The following SSBP2 variants were observed in gnomAD, a reference collection of about 807,000 sequenced individuals.
The protein encoded by SSBP2 is single-stranded DNA-binding protein 2.
SSBP2 carries 17 observed loss-of-function variants against 61.8 expected under a neutral mutation model. The observed-to-expected ratio is 0.28, with a 90% confidence interval of 0.19 to 0.41. The LOEUF (loss-of-function observed/expected upper bound fraction) is 0.41. Ranked by LOEUF, SSBP2 falls within the 10% of genes least tolerant of loss-of-function variation. The pLI is 1.00. For synonymous variants in SSBP2, 139 were observed against 141.3 expected, an observed-to-expected ratio of 0.98 and a Z score of 0.12; for missense variants, 310 against 458.7, an observed-to-expected ratio of 0.68 and a Z score of 2.96.
At chr5:81,602,918 C>T (rs1406826891) in intron 4 of SSBP2, among the ~76,000 whole-genome samples, 1 of 152,140 alleles carries the variant, frequency 6.6e-6, no homozygotes. Context: ...ACTGTGATTA[C>T]TGTCTTTCAA....
intron 1 of SSBP2, among the ~76,000 whole-genome samples, chr5:81,712,360 A>C (rs1754850317): frequency 2.0e-5 from 1 of 49,536 alleles, no homozygotes; most frequent in African/African-American, 9.0e-5. Context: ...AATAAAGATT[A>C]CAAGGCCGAG....
At chr5:81,560,809 G>A (rs951612013) in intron 4 of SSBP2, among the ~76,000 whole-genome samples, 1 of 151,970 alleles carries the variant, frequency 6.6e-6, no homozygotes, top group African/African-American at 2.4e-5. Context: ...ATATATTTAA[G>A]GTATAGATTT....
At chr5:81,722,623 A>G (rs765331406) in intron 1 of SSBP2, among the ~76,000 whole-genome samples, 10 of 152,014 alleles carry the variant, frequency 6.6e-5, no homozygotes, top group Non-Finnish European at 1.2e-4. Flanking sequence ...CCCTAGTTAC[A>G]TGACCTTGAG....
intron 14 of SSBP2, among the ~76,000 whole-genome samples, chr5:81,439,928 C>G (rs1762918031): frequency 6.6e-6 from 1 of 151,708 alleles, no homozygotes; most frequent in Admixed American, 6.6e-5. Context: ...GCCTCGGCCT[C>G]CCAAAGTGCT....
At chr5:81,568,227 C>A (rs1183783765) in intron 4 of SSBP2, among the ~76,000 whole-genome samples, 1 of 152,084 alleles carries the variant, frequency 6.6e-6, no homozygotes, top group African/African-American at 2.4e-5. Context: ...GTGGAAGGGA[C>A]CTGGTGGGAG....
intron 4 of SSBP2, among the ~76,000 whole-genome samples, chr5:81,601,895 A>ATG (rs1469300998): frequency 6.6e-6 from 1 of 152,160 alleles, no homozygotes; most frequent in Non-Finnish European, 1.5e-5. Context: ...CACATATTCA[A>ATG]AACACCTAGT....
chr5:81,553,189 A>G (rs1021472285), intron 4 of SSBP2, among the ~76,000 whole-genome samples: 2 of 152,216 alleles, frequency 1.3e-5, no homozygotes, highest in African/African-American at 4.8e-5. Context: ...TGTAAGGTTA[A>G]GTAGAGCCAA....
intron 8 of SSBP2, among the ~76,000 whole-genome samples, chr5:81,472,237 A>G (rs554632691): frequency 6.6e-6 from 1 of 152,268 alleles, no homozygotes; most frequent in African/African-American, 2.4e-5. Flanking sequence ...TGACATTATA[A>G]AATTAATTTC....
chr5:81,672,089 A>AT, intron 1 of SSBP2, among the ~76,000 whole-genome samples: 1 of 152,164 alleles, frequency 6.6e-6, no homozygotes, highest in South Asian at 2.1e-4. Context: ...CCATTATATT[A>AT]TTTTTACTAC....
At chr5:81,656,917 C>T (rs1001586255) in intron 1 of SSBP2, among the ~76,000 whole-genome samples, 12 of 151,846 alleles carry the variant, frequency 7.9e-5, no homozygotes, top group Middle Eastern at 3.4e-3. Context: ...TTTTTAAGTG[C>T]AGAACAGTTT....
chr5:81,683,385 G>T (rs1752542715), intron 1 of SSBP2, among the ~76,000 whole-genome samples: 1 of 152,114 alleles, frequency 6.6e-6, no homozygotes. Flanking sequence ...ATGGAGCAAA[G>T]ATAGTCTTTG....
intron 4 of SSBP2, among the ~76,000 whole-genome samples, chr5:81,582,249 T>A (rs756016683): frequency 5.8e-4 from 88 of 152,170 alleles, no homozygotes; most frequent in Non-Finnish European, 6.9e-4. Context: ...AATAAAGTAT[T>A]TAACAAGACT....
chr5:81,515,011 C>T (rs1458640364), intron 4 of SSBP2, among the ~76,000 whole-genome samples: 4 of 151,842 alleles, frequency 2.6e-5, no homozygotes, highest in East Asian at 3.9e-4. Flanking sequence ...AAAAACCATG[C>T]AATTTCAATT....
At chr5:81,648,674 C>T (rs560745958) in intron 2 of SSBP2, among the ~76,000 whole-genome samples, 3 of 151,960 alleles carry the variant, frequency 2.0e-5, no homozygotes, top group Admixed American at 2.0e-4. Context: ...AAATAAGAGC[C>T]ACATGTATAA....
chr5:81,726,328 T>C (rs1005209888), intron 1 of SSBP2, among the ~76,000 whole-genome samples: 1 of 152,124 alleles, frequency 6.6e-6, no homozygotes, highest in African/African-American at 2.4e-5. Flanking sequence ...GCCCCATACC[T>C]TAGACACACT....
chr5:81,644,501 A>T (rs1260952888), intron 2 of SSBP2, among the ~76,000 whole-genome samples: 1 of 152,218 alleles, frequency 6.6e-6, no homozygotes, highest in African/African-American at 2.4e-5. Context: ...TGAGGAAAAC[A>T]GCTTAGTGAA....
chr5:81,613,067 G>T (rs1443492526), intron 4 of SSBP2, among the ~76,000 whole-genome samples: 1 of 151,930 alleles, frequency 6.6e-6, no homozygotes, highest in East Asian at 1.9e-4. Flanking sequence ...AATCATGTAG[G>T]TCAAACTCTA....
intron 1 of SSBP2, among the ~76,000 whole-genome samples, chr5:81,700,772 T>C (rs1309334284): frequency 1.3e-5 from 2 of 152,240 alleles, no homozygotes; most frequent in Non-Finnish European, 2.9e-5. Context: ...TTACACCTCA[T>C]GAACCAACCT....
At chr5:81,589,707 A>G (rs1203348903) in intron 4 of SSBP2, among the ~76,000 whole-genome samples, 1 of 152,222 alleles carries the variant, frequency 6.6e-6, no homozygotes, top group Non-Finnish European at 1.5e-5. Context: ...TTGCCATAAC[A>G]GAACGCCAGA....
Sources: allele counts gnomAD v4.1 joint callset (sites outside exome capture counted in the v4.1 genomes callset), GRCh38; gene constraint gnomAD v4.1.1; transcripts MANE v1.5; gene names NCBI Gene and HGNC (gene_info 2026-07-23, HGNC 2026-07-21).